Variants in GRM8 observed in about 807,000 individuals in gnomAD.
The protein encoded by GRM8 is glutamate metabotropic receptor 8.
A neutral mutation model predicts 87.2 loss-of-function variants in GRM8; 47 were observed. That is an observed-to-expected ratio of 0.54 (90% confidence interval 0.43 to 0.69). The LOEUF (loss-of-function observed/expected upper bound fraction) is 0.69. Among genes scored for constraint, GRM8 ranks in the 30% least tolerant of loss-of-function variants. The pLI is 0.00. For missense variants in GRM8, 1,019 were observed against 1,139.2 expected (o/e 0.89, Z 1.52); for synonymous variants, 396 against 404.5 (o/e 0.98, Z 0.25).
intron 2 of GRM8, among the ~76,000 whole-genome samples, chr7:127,208,373 C>T (rs1175817985): frequency 6.6e-6 from 1 of 152,138 alleles, no homozygotes; most frequent in Non-Finnish European, 1.5e-5. Flanking sequence ...CCACCCCTTC[C>T]TCCCTCAAAG....
intron 7 of GRM8, among the ~76,000 whole-genome samples, chr7:126,738,053 A>G (rs1327532440): frequency 6.6e-6 from 1 of 152,090 alleles, no homozygotes; most frequent in Non-Finnish European, 1.5e-5. Context: ...CAGAAGAGAG[A>G]ATTATTCAGG....
At chr7:127,126,430 G>C (rs571692753) in intron 2 of GRM8, among the ~76,000 whole-genome samples, 68 of 151,892 alleles carry the variant, frequency 4.5e-4, no homozygotes, top group Non-Finnish European at 8.5e-4. Context: ...TAAATAATGT[G>C]TACACACAGA....
At chr7:126,913,850 A>G (rs959393907) in intron 3 of GRM8, among the ~76,000 whole-genome samples, 9 of 152,266 alleles carry the variant, frequency 5.9e-5, no homozygotes, top group Non-Finnish European at 1.3e-4. Context: ...TGTACTTTGC[A>G]AAAGAGAAGA....
chr7:126,967,558 A>AG (rs1480350851), intron 3 of GRM8, among the ~76,000 whole-genome samples: 1 of 151,602 alleles, frequency 6.6e-6, no homozygotes, highest in Non-Finnish European at 1.5e-5. Flanking sequence ...TGAGAAAAAA[A>AG]AAAGTACAGC....
intron 8 of GRM8, among the ~76,000 whole-genome samples, chr7:126,579,963 T>C (rs1472285183): frequency 2.0e-5 from 3 of 152,062 alleles, no homozygotes; most frequent in Non-Finnish European, 4.4e-5. Context: ...AATCAGGATA[T>C]TTGGTAAAAA....
intron 9 of GRM8, among the ~76,000 whole-genome samples, chr7:126,462,151 A>C (rs1803959299): frequency 6.6e-6 from 1 of 151,634 alleles, no homozygotes; most frequent in Non-Finnish European, 1.5e-5. Flanking sequence ...TGAGGCTGTT[A>C]AGTTTTACCA....
intron 7 of GRM8, among the ~76,000 whole-genome samples, chr7:126,626,772 CA>C (rs1209694937): frequency 6.6e-6 from 1 of 152,150 alleles, no homozygotes; most frequent in Non-Finnish European, 1.5e-5. Flanking sequence ...GTAATCCTAG[CA>C]TTTGGGGAGG....
chr7:127,147,454 C>A (rs887134118), intron 2 of GRM8, among the ~76,000 whole-genome samples: 1 of 152,004 alleles, frequency 6.6e-6, no homozygotes, highest in African/African-American at 2.4e-5. Flanking sequence ...TGGCTGGGTA[C>A]TTCTCTGCTA....
intron 6 of GRM8, among the ~76,000 whole-genome samples, chr7:126,823,299 ACT>A (rs1794470706): frequency 6.6e-6 from 1 of 152,146 alleles, no homozygotes; most frequent in African/African-American, 2.4e-5. Flanking sequence ...ATGCTACATC[ACT>A]CTGTTTAATT....
chr7:126,630,013 A>G (rs1563032717), intron 7 of GRM8, among the ~76,000 whole-genome samples: 1 of 152,130 alleles, frequency 6.6e-6, no homozygotes. Context: ...TTTCTGCCAA[A>G]ATGAAATGCT....
At chr7:126,478,765 G>A (rs369410386) in intron 9 of GRM8, among the ~76,000 whole-genome samples, 15 of 151,926 alleles carry the variant, frequency 9.9e-5, no homozygotes, top group East Asian at 3.9e-4. Flanking sequence ...AAACTAGGTC[G>A]AACACTAAAT....
At chr7:127,121,148 G>A (rs368111686) in intron 2 of GRM8, among the ~76,000 whole-genome samples, 4 of 152,324 alleles carry the variant, frequency 2.6e-5, no homozygotes, top group South Asian at 4.1e-4. Context: ...ATTTCTGTCT[G>A]ATTGTTACTG....
intron 7 of GRM8, among the ~76,000 whole-genome samples, chr7:126,657,009 G>A (rs1804602937): frequency 6.6e-6 from 1 of 152,152 alleles, no homozygotes; most frequent in Non-Finnish European, 1.5e-5. Context: ...ATTTAGTAAT[G>A]TTCGTACAGC....
chr7:126,892,678 T>C (rs1337913545), intron 6 of GRM8, among the ~76,000 whole-genome samples: 2 of 152,112 alleles, frequency 1.3e-5, no homozygotes, highest in African/African-American at 4.8e-5. Flanking sequence ...GGTCAAATGG[T>C]ATTTCTAGTT....
intron 8 of GRM8, among the ~76,000 whole-genome samples, chr7:126,551,638 A>G (rs868366363): frequency 3.3e-5 from 5 of 152,034 alleles, no homozygotes; most frequent in African/African-American, 4.8e-5. Context: ...TTGATTCTCC[A>G]ATTTTTTTCA....
chr7:126,852,697 C>T (rs1224470078), intron 6 of GRM8, among the ~76,000 whole-genome samples: 3 of 152,014 alleles, frequency 2.0e-5, no homozygotes. Context: ...TTTGCAAAAT[C>T]TAGTGATGTG....
intron 3 of GRM8, among the ~76,000 whole-genome samples, chr7:127,100,867 GA>G (rs1253615222): frequency 2.6e-5 from 4 of 152,150 alleles, no homozygotes; most frequent in Non-Finnish European, 5.9e-5. Flanking sequence ...TTCTCCCCAT[GA>G]GTCCATCCTC....
At chr7:127,125,102 A>G (rs1827290389) in intron 2 of GRM8, among the ~76,000 whole-genome samples, 1 of 152,142 alleles carries the variant, frequency 6.6e-6, no homozygotes. Flanking sequence ...AAGACACAAG[A>G]CTGTCCATTT....
At chr7:126,671,700 G>A (rs1429312555) in intron 7 of GRM8, among the ~76,000 whole-genome samples, 4 of 152,164 alleles carry the variant, frequency 2.6e-5, no homozygotes, top group Admixed American at 2.6e-4. Context: ...ATCCTGCCAG[G>A]TAGTGGGAAT....
Sources: allele counts gnomAD v4.1 joint callset (sites outside exome capture counted in the v4.1 genomes callset), GRCh38; gene constraint gnomAD v4.1.1; transcripts MANE v1.5; gene names NCBI Gene and HGNC (gene_info 2026-07-23, HGNC 2026-07-21).